The following DAB1 variants were observed in gnomAD, a reference collection of about 807,000 sequenced individuals.
DAB1 encodes the protein DAB adaptor protein 1, also known as disabled homolog 1.
DAB1 carries 15 observed loss-of-function variants against 64.6 expected under a neutral mutation model. The observed-to-expected ratio is 0.23, with a 90% CI of 0.16 to 0.36. The LOEUF (loss-of-function observed/expected upper bound fraction) is 0.36, where lower values mean the gene tolerates loss of function less well. DAB1 is among the 10% of genes least tolerant of loss of function. The probability of loss-of-function intolerance (pLI) is 1.00; values close to 1 mark genes in which losing one functional copy is unlikely to be tolerated. For missense variants in DAB1, 596 were observed against 706.7 expected (o/e 0.84, Z 1.78); for synonymous variants, 235 against 251.9 (o/e 0.93, Z 0.64).
At chr1:57,193,410 A>G (rs1485607775) in intron 2 of DAB1, among the ~76,000 whole-genome samples, 2 of 37,076 alleles carry the variant, frequency 5.4e-5, no homozygotes, top group Non-Finnish European at 1.1e-4. Flanking sequence ...TTTTTGAGAC[A>G]GAGTCTCGCT....
At chr1:57,576,614 G>A (rs192094079) in intron 7 of DAB1, among the ~76,000 whole-genome samples, 79 of 152,260 alleles carry the variant, frequency 5.2e-4, no homozygotes, top group Middle Eastern at 6.8e-3. Context: ...TCCACACCTC[G>A]ATTTTGGATT....
At chr1:57,341,595 G>C (rs1302929149) in intron 1 of DAB1, among the ~76,000 whole-genome samples, 1 of 151,922 alleles carries the variant, frequency 6.6e-6, no homozygotes, top group Admixed American at 6.6e-5. Flanking sequence ...TGAAACAAAG[G>C]GTCCTTCAAA....
intron 14 of DAB1, among the ~76,000 whole-genome samples, chr1:57,005,898 A>G (rs1030782335): frequency 1.3e-5 from 2 of 152,184 alleles, no homozygotes; most frequent in Non-Finnish European, 2.9e-5. Flanking sequence ...ATTTTAAAAT[A>G]TATCTTATTA....
chr1:58,045,111 A>AT (rs1647210160), intron 5 of DAB1, among the ~76,000 whole-genome samples: 2 of 152,208 alleles, frequency 1.3e-5, no homozygotes, highest in African/African-American at 4.8e-5. Context: ...TGGCTCCCTA[A>AT]TTAATTGCAT....
intron 1 of DAB1, among the ~76,000 whole-genome samples, chr1:57,855,991 T>C (rs1453573661): frequency 6.6e-6 from 1 of 152,100 alleles, no homozygotes; most frequent in African/African-American, 2.4e-5. Context: ...ATTCTAATGA[T>C]AGAGTTGGCA....
intron 7 of DAB1, among the ~76,000 whole-genome samples, chr1:57,469,057 C>G (rs985748332): frequency 7.9e-5 from 12 of 152,124 alleles, no homozygotes; most frequent in African/African-American, 2.9e-4. Flanking sequence ...ACTCTGTCTG[C>G]AAATTCTTTA....
rs181660632 is a variant in DAB1, at chr1:58,283,051, G to T, written n.309+60301C>A. Among the ~76,000 whole-genome samples the T allele has an allele frequency of 4.0e-3, 606 of 150,156 alleles. 2 individuals are homozygous for T. The highest frequency in any genetic ancestry group is 6.5e-3 in the Non-Finnish European group (439 of 67,784). On this transcript the variant is annotated intron_variant and non_coding_transcript_variant, in intron 4 of 20. Coordinates refer to the DAB1 transcript ENST00000485760. ...CCCAACCACCATGTAAGTAATAGTAGACAGAATTTTTTTTAAAAGAACTTT... is the reference window on the plus strand; with the variant it reads ...CCCAACCACCATGTAAGTAATAGTATACAGAATTTTTTTTAAAAGAACTTT...
intron 6 of DAB1, among the ~76,000 whole-genome samples, chr1:57,709,084 A>T (rs913824897): frequency 2.6e-5 from 4 of 152,050 alleles, no homozygotes; most frequent in African/African-American, 9.7e-5. Context: ...TTTTATTCCA[A>T]TTTTTTCTAT....
intron 7 of DAB1, among the ~76,000 whole-genome samples, chr1:57,436,810 T>C (rs1487282675): frequency 1.3e-5 from 2 of 151,976 alleles, no homozygotes; most frequent in Non-Finnish European, 1.5e-5. Context: ...AGGCAGATCA[T>C]GAGGTCAGAA....
chr1:58,369,229 C>T (rs1177135239), intron 3 of DAB1, among the ~76,000 whole-genome samples: 2 of 152,078 alleles, frequency 1.3e-5, no homozygotes, highest in Admixed American at 6.5e-5. Flanking sequence ...TATTCCCTCT[C>T]CTTTACCAGT....
chr1:57,187,500 A>C (rs1663686178), intron 2 of DAB1, among the ~76,000 whole-genome samples: 1 of 152,244 alleles, frequency 6.6e-6, no homozygotes, highest in Non-Finnish European at 1.5e-5. Context: ...GGCTCCTGGA[A>C]TAGGTAAATG....
Position 58,432,236 on chromosome 1 carries a change from CCCTCCCCTAGACACT to C in DAB1, n.257+73809_257+73823del, listed in dbSNP as rs1644885582. On this transcript the variant is annotated intron_variant and non_coding_transcript_variant, in intron 3 of 20. Coordinates refer to the DAB1 transcript ENST00000485760. The stretch of plus-strand genomic sequence containing the variant: ...CTCTCTTTCTTAGGGATGGGAGGAA[CCCTCCCCTAGACACT>C]CCACCTAAAGTTCCTATTATTTTTC... Among the ~76,000 whole-genome samples the C allele has an allele frequency of 6.6e-5, 10 of 152,266 alleles. 1 individual carries two copies. In the South Asian group the frequency reaches 1.9e-3, roughly 28 times the overall value.
At chr1:58,190,825 T>G (rs1657350012) in intron 4 of DAB1, among the ~76,000 whole-genome samples, 1 of 152,234 alleles carries the variant, frequency 6.6e-6, no homozygotes, top group Non-Finnish European at 1.5e-5. Context: ...GTGTAATTAG[T>G]TCACTTACTG....
rs543943294 is a variant in DAB1 at position 57,609,288 on chromosome 1, G to A, written n.625+40304C>T. Among the ~76,000 whole-genome samples, 37 of 152,308 alleles carry A rather than the reference G, an allele frequency of 2.4e-4. 1 individual carries two copies. In the South Asian group the frequency reaches 5.8e-3, roughly 24 times the overall value. ...ATCGTATGTGTACTGAACATATGCA[G>A]ACTTTTTTTCTCATTATTATTCCCT... On this transcript the variant is annotated intron_variant and non_coding_transcript_variant, in intron 7 of 20. Transcript: ENST00000485760.
intron 5 of DAB1, among the ~76,000 whole-genome samples, chr1:58,012,033 A>C (rs1268915731): frequency 6.6e-6 from 1 of 152,156 alleles, no homozygotes. Flanking sequence ...ACAATAGATG[A>C]TTGCTTAGTT....
At chr1:58,537,086 GTATA>G in intron 1 of DAB1, among the ~76,000 whole-genome samples, 1 of 128,586 alleles carries the variant, frequency 7.8e-6, no homozygotes, top group South Asian at 2.5e-4. Flanking sequence ...CTCTCTCTCT[GTATA>G]TATATATATA....
At chr1:58,505,364 T>C (rs949463299) in intron 3 of DAB1, among the ~76,000 whole-genome samples, 1 of 152,188 alleles carries the variant, frequency 6.6e-6, no homozygotes, top group African/African-American at 2.4e-5. Context: ...ACAAGTGAGA[T>C]AGAAGAGAGC....
chr1:57,818,558 T>C (rs1306822062), intron 6 of DAB1, among the ~76,000 whole-genome samples: 1 of 152,126 alleles, frequency 6.6e-6, no homozygotes, highest in Non-Finnish European at 1.5e-5. Flanking sequence ...GGATTCTTAG[T>C]ATGTGTTACC....
chr1:58,496,011 C>G (rs1390680936), intron 3 of DAB1, among the ~76,000 whole-genome samples: 2 of 152,078 alleles, frequency 1.3e-5, no homozygotes, highest in African/African-American at 4.8e-5. Context: ...CTCTGGGAAT[C>G]TCCTAAAAAC....
Sources: gnomAD v4.1 joint callset for allele counts (sites outside exome capture counted in the v4.1 genomes callset) on GRCh38, gnomAD v4.1.1 for gene constraint, MANE v1.5 for transcripts, NCBI Gene and HGNC (gene_info 2026-07-23, HGNC 2026-07-21) for gene names.